KDM1B: variants seen among roughly 807,000 people sequenced by gnomAD.
The protein encoded by KDM1B is lysine-specific histone demethylase 2.
In KDM1B, 63 loss-of-function variants were observed where a neutral mutation model predicts 107.4. That is an observed-to-expected ratio of 0.59 (90% CI 0.48 to 0.72). The LOEUF (loss-of-function observed/expected upper bound fraction) is 0.72, where lower values mean the gene tolerates loss of function less well. Among genes scored for constraint, KDM1B ranks in the 30% least tolerant of loss-of-function variants. KDM1B has a pLI of 0.00. For synonymous variants in KDM1B, 363 were observed against 363.9 expected (o/e 1.00, Z 0.03); for missense variants, 749 against 1,020.8 (o/e 0.73, Z 3.63).
Position 18,205,144 on chromosome 6 carries a change from C to G in KDM1B, c.1532-393C>G, listed in dbSNP as rs183676370. The stretch of plus-strand genomic sequence containing the variant: ...TGACTTTAAGGTGATGGCAGCAGGA[C>G]CAGAAAGAGAATGGTAACTTCTGTG... On this transcript the variant is annotated intron_variant, in intron 14 of 21. Coordinates refer to ENST00000650836, the MANE Select transcript of KDM1B (RefSeq NM_001364614.2). The surrounding 1 kb of genome is among the most constrained non-coding windows in gnomAD (Gnocchi z 5.7). 5.8e-4 allele frequency among the ~76,000 whole-genome samples: 88 copies of G among 152,050 alleles called. 2 individuals carry two copies. The East Asian group carries it at 0.013, about 23-fold the overall frequency.
Position 18,159,979 on chromosome 6 carries a change from G to A in KDM1B, c.84G>A (p.Arg28=). The change falls in exon 3 of 22, where the codon AGG becomes AGA. Residue 28 remains arginine, a synonymous_variant. Transcript: ENST00000650836. The surrounding 1 kb of genome is among the most constrained non-coding windows in gnomAD (Gnocchi z 4.5). ...PDSLPLRSSG[R]QAKKKATETT... The stretch of plus-strand genomic sequence containing the variant: ...GCCTTCCTTTGAGGAGCTCCGGTAG[G>A]CAGGTAGTGTTCATTTATTCATTCA... 6.3e-7 allele frequency: 1 copy of A among 1,595,168 alleles called. No individual in the cohort carries two copies. The highest frequency in any genetic ancestry group is 8.5e-7 in the Non-Finnish European group (1 of 1,172,126).
chr6:18,219,413 T>G (rs1018049957), intron 21 of KDM1B, among the ~76,000 whole-genome samples: 7 of 152,166 alleles, frequency 4.6e-5, no homozygotes, highest in African/African-American at 1.7e-4. Context: ...AGCATCTAAT[T>G]TTTCCTCTTT....
At position 18,199,161 on chromosome 6, in the gene KDM1B, G is replaced by A. The variant is rs116882171; in HGVS notation, c.1222-1278G>A. Among the ~76,000 whole-genome samples the A allele has an allele frequency of 6.8e-4, 103 of 152,102 alleles. No homozygotes were observed. In the East Asian group the frequency reaches 0.019, roughly 27 times the overall value. ...TGCAGTGAGCCGAGATCTAGCCACC[G>A]CACTCCAGTCTGGGTGACAGAGTGA... On this transcript the variant is annotated intron_variant, in intron 12 of 21. Transcript: ENST00000650836.
chr6:18,171,343 A>G lies in KDM1B; in HGVS notation c.418-20A>G. 8.3e-7 allele frequency: 1 copy of G among 1,209,620 alleles called. No individual in the cohort carries two copies. The highest frequency in any genetic ancestry group is 1.2e-5 in the South Asian group (1 of 83,046). 74.9% of individuals were successfully genotyped at this position (1,209,620 alleles called of 1,614,324 possible). A position where few individuals can be genotyped will look rare whatever the true frequency, so the allele number is the denominator to read the frequency against. On this transcript the variant is annotated intron_variant, in intron 6 of 21. Coordinates refer to ENST00000650836, the MANE Select transcript of KDM1B (RefSeq NM_001364614.2). The stretch of plus-strand genomic sequence containing the variant: ...AAGATTAGCTCACTTGTTCATCTTG[A>G]CTTGATACTTCCCATCTAGGTTCAG...
In KDM1B at chr6:18,159,344, A is replaced by G. The variant is rs1443110633; in HGVS notation, c.-13-539A>G. Among the ~76,000 whole-genome samples the G allele has an allele frequency of 3.3e-5, 5 of 152,220 alleles. No individual in the cohort carries two copies. Among genetic ancestry groups the G allele is most frequent in the African/African-American group, 1.2e-4 (5 of 41,462 alleles). On this transcript the variant is annotated intron_variant, in intron 2 of 21. Coordinates refer to ENST00000650836, the MANE Select transcript of KDM1B (RefSeq NM_001364614.2). The surrounding 1 kb of genome is among the most constrained non-coding windows in gnomAD (Gnocchi z 4.5). Reference sequence around the variant, plus strand: ...AAGACACAGTAAAATGGAGAGGAACATAGGCAAAACTAGGTGGTTTTCCTC... The same window carrying G: ...AAGACACAGTAAAATGGAGAGGAACGTAGGCAAAACTAGGTGGTTTTCCTC...
In KDM1B at chr6:18,221,894, A is replaced by G. The variant is rs1421213717; in HGVS notation, c.2386-15A>G. 2.5e-6 allele frequency: 4 copies of G among 1,583,442 alleles called. No homozygotes were observed. The highest frequency in any genetic ancestry group is 3.4e-6 in the Non-Finnish European group (4 of 1,161,256). ...CTCTATGCATGATCTCAAATTATGT[A>G]ATTATGTTTTACAGGCAACAAACAG... On this transcript the variant is annotated splice_polypyrimidine_tract_variant and intron_variant, in intron 21 of 21. Transcript: ENST00000650836.
chr6:18,188,726 G>A (rs564290523), intron 9 of KDM1B, among the ~76,000 whole-genome samples: 18 of 151,740 alleles, frequency 1.2e-4, no homozygotes, highest in Admixed American at 1.0e-3. Flanking sequence ...CAATTCTCCT[G>A]CCTCAGTCTC....
In KDM1B at chr6:18,207,271, G is replaced by A. The variant is rs1788443775; in HGVS notation, c.1660-127G>A. 4 of 899,938 alleles carry A rather than the reference G, an allele frequency of 4.4e-6. No homozygotes were observed. The South Asian group carries it at 6.1e-5, about 14-fold the overall frequency. The allele number at this position is 899,938 out of a possible 1,614,324, so 55.7% of individuals were successfully genotyped here. A position where few individuals can be genotyped will look rare whatever the true frequency, so the allele number is the denominator to read the frequency against. The stretch of plus-strand genomic sequence containing the variant: ...CTCCCCCAGTGGTGGTCTCTGCCTA[G>A]GCTGGTCTGCCTGTCCCCTGCCCTC... On this transcript the variant is annotated intron_variant, in intron 15 of 21. Transcript: ENST00000650836.
intron 21 of KDM1B, among the ~76,000 whole-genome samples, chr6:18,220,847 C>G (rs1363538922): frequency 1.3e-5 from 2 of 151,644 alleles, no homozygotes; most frequent in Non-Finnish European, 2.9e-5. Context: ...TCTTGGCTCA[C>G]TGCAACCTCC....
chr6:18,193,325 A>G (rs1787418592), intron 10 of KDM1B, among the ~76,000 whole-genome samples: 2 of 117,120 alleles, frequency 1.7e-5, no homozygotes, highest in African/African-American at 6.4e-5. Flanking sequence ...TTTTTTTGAG[A>G]CACAGACTTG....
chr6:18,163,013 G>C, intron 5 of KDM1B, 89 bp downstream of exon 5: 1 of 773,236 alleles, frequency 1.3e-6, no homozygotes, highest in Admixed American at 2.0e-5. Flanking sequence ...GCTTAGTCTC[G>C]AGGCTTACTG....
intron 20 of KDM1B, 99 bp downstream of exon 20, chr6:18,215,228 A>G: frequency 1.5e-6 from 2 of 1,335,488 alleles, no homozygotes; most frequent in East Asian, 2.5e-5. Flanking sequence ...AATCACAGGA[A>G]GGAAGGCAGA....
chr6:18,223,806 T>C lies in KDM1B; in HGVS notation c.*1814T>C, dbSNP rs1264221225. On this transcript the variant is annotated 3_prime_UTR_variant, in exon 22 of 22. Coordinates refer to ENST00000650836, the MANE Select transcript of KDM1B (RefSeq NM_001364614.2). ...TTTACAATGTTTTAACTACAGTTCATGAATAGCTGGTTGTGTAAAACTAAT... is the reference window on the plus strand; with the variant it reads ...TTTACAATGTTTTAACTACAGTTCACGAATAGCTGGTTGTGTAAAACTAAT... The C allele has an allele frequency of 6.6e-6, 1 of 152,212 alleles. No homozygotes were observed. Among genetic ancestry groups the C allele is most frequent in the Non-Finnish European group, 1.5e-5 (1 of 68,030 alleles). 9.4% of individuals were successfully genotyped at this position (152,212 alleles called of 1,614,324 possible).
Position 18,223,559 on chromosome 6 carries a change from G to A in KDM1B, c.*1567G>A, listed in dbSNP as rs1789957068. On this transcript the variant is annotated 3_prime_UTR_variant, in exon 22 of 22. Coordinates refer to ENST00000650836, the MANE Select transcript of KDM1B (RefSeq NM_001364614.2). ...AATGTTAAGTTTGAAATGGTTAACA[G>A]TAAATTATTATGTTAGTTTCCAGGC... The A allele has an allele frequency of 1.3e-5, 2 of 152,116 alleles. No homozygotes were observed. Among genetic ancestry groups the A allele is most frequent in the Admixed American group, 6.5e-5 (1 of 15,272 alleles). The allele number at this position is 152,116 out of a possible 1,614,324, so 9.4% of individuals were successfully genotyped here. A position where few individuals can be genotyped will look rare whatever the true frequency, so the allele number is the denominator to read the frequency against.
rs60017076 is a variant in KDM1B, at chr6:18,164,861, G to A, written c.306-1406G>A. On this transcript the variant is annotated intron_variant, in intron 5 of 21. Coordinates refer to ENST00000650836, the MANE Select transcript of KDM1B (RefSeq NM_001364614.2). ...GGGTTTCCCCATGTTGGCCAGGCTG[G>A]TCTCAAACTCCTGGCCTCATGTGAT... Among the ~76,000 whole-genome samples the A allele has an allele frequency of 5.2e-3, 789 of 152,198 alleles. 7 individuals carry two copies. The highest frequency in any genetic ancestry group is 0.018 in the African/African-American group (737 of 41,534).
rs535975250 is a variant in KDM1B, at chr6:18,209,581, C to G, written c.1866+1375C>G. 6.6e-6 allele frequency among the ~76,000 whole-genome samples: 1 copy of G among 152,154 alleles called. No homozygotes were observed. The highest frequency in any genetic ancestry group is 2.4e-5 in the African/African-American group (1 of 41,448). On this transcript the variant is annotated intron_variant, in intron 17 of 21. Coordinates refer to ENST00000650836, the MANE Select transcript of KDM1B (RefSeq NM_001364614.2). This position sits in a 1 kb window ranked among gnomAD's most constrained non-coding sequence, Gnocchi z 4.3. Reference sequence around the variant, plus strand: ...AAGGCTGGAAAGCCCCACCCTGATGCGTTCTTGTTGAATTGGCCTCGCTTT... The same window carrying G: ...AAGGCTGGAAAGCCCCACCCTGATGGGTTCTTGTTGAATTGGCCTCGCTTT...
chr6:18,163,152 T>G (rs1212806818), intron 5 of KDM1B, among the ~76,000 whole-genome samples: 1 of 152,084 alleles, frequency 6.6e-6, no homozygotes, highest in African/African-American at 2.4e-5. Context: ...ATTTCTTTTT[T>G]TTTTTTTTTT....
Position 18,221,950 on chromosome 6 carries a change from T to C in KDM1B, c.2427T>C (p.Tyr809=), listed in dbSNP as rs199510255. ...RHFPQTVTGA[Y]LSGVREASKI... is the part of the protein sequence containing the mutation. ...TCCCACAAACTGTTACAGGGGCATATTTGAGTGGCGTTCGAGAAGCAAGCA... is the reference window on the plus strand; with the variant it reads ...TCCCACAAACTGTTACAGGGGCATACTTGAGTGGCGTTCGAGAAGCAAGCA... Residue 809 remains tyrosine, a synonymous_variant, in exon 22 of 22, where the codon TAT becomes TAC. Transcript: ENST00000650836. 2.2e-5 allele frequency: 35 copies of C among 1,613,756 alleles called. No individual in the cohort carries two copies. The highest frequency in any genetic ancestry group is 1.6e-4 in the Middle Eastern group (1 of 6,062).
chr6:18,169,230 A>ATG (rs1785501625), intron 6 of KDM1B, among the ~76,000 whole-genome samples: 1 of 136,506 alleles, frequency 7.3e-6, no homozygotes, highest in Admixed American at 7.6e-5. Flanking sequence ...TTATATATAT[A>ATG]TAAATTTTTT....
Sources: allele counts gnomAD v4.1 joint callset (sites outside exome capture counted in the v4.1 genomes callset), GRCh38; gene constraint gnomAD v4.1.1; non-coding constraint Gnocchi (gnomAD v3.1); transcripts MANE v1.5; gene names NCBI Gene and HGNC (gene_info 2026-07-23, HGNC 2026-07-21).